C19orf38: variants seen among roughly 807,000 people sequenced by gnomAD.
C19orf38 encodes the protein chromosome 19 open reading frame 38.
In C19orf38, 14 loss-of-function variants were observed where a neutral mutation model predicts 26.6. The ratio of observed to expected loss-of-function variants is 0.53; its 90% confidence interval spans 0.35 to 0.82. The LOEUF (loss-of-function observed/expected upper bound fraction) is 0.82, where lower values mean the gene tolerates loss of function less well. Among genes scored for constraint, C19orf38 ranks in the 40% least tolerant of loss-of-function variants. The pLI is 0.01. For synonymous variants in C19orf38, 132 were observed against 128.5 expected (o/e 1.03, Z -0.18); for missense variants, 261 against 299.5 (o/e 0.87, Z 0.95).
At chr19:10,851,817 A>C (rs1344553444) in intron 2 of C19orf38, among the ~76,000 whole-genome samples, 3 of 151,470 alleles carry the variant, frequency 2.0e-5, no homozygotes. Context: ...AAATACAAAA[A>C]ATTAGCCGGG....
chr19:10,866,037 T>C (rs1952022271), intron 6 of C19orf38, among the ~76,000 whole-genome samples: 1 of 151,650 alleles, frequency 6.6e-6, no homozygotes, highest in Non-Finnish European at 1.5e-5. Context: ...TTTTAAATTT[T>C]ATTTTATTAA....
At position 10,857,366 on chromosome 19, in the gene C19orf38, A is replaced by ATTT. The variant is rs773726753; in HGVS notation, c.434-933_434-931dup. ...TATATATATATATATATATATATATATTTTTTTTTTTTTTTTTTTAAGATG... is the reference window on the plus strand; with the variant it reads ...TATATATATATATATATATATATATATTTTTTTTTTTTTTTTTTTTTTAAGATG... On this transcript the variant is annotated intron_variant, in intron 3 of 6. Coordinates refer to ENST00000397820, the MANE Select transcript of C19orf38 (RefSeq NM_001136482.3). Among the ~76,000 whole-genome samples the ATTT allele has an allele frequency of 8.6e-4, 48 of 56,074 alleles. 2 individuals carry two copies. Among genetic ancestry groups the ATTT allele is most frequent in the African/African-American group, 3.4e-3 (20 of 5,820 alleles). 36.8% of individuals were successfully genotyped at this position (56,074 alleles called of 152,430 possible).
intron 4 of C19orf38, 99 bp downstream of exon 4, chr19:10,858,442 C>G: frequency 8.5e-7 from 1 of 1,177,408 alleles, no homozygotes; most frequent in Non-Finnish European, 1.2e-6. Context: ...ACAGCGCCTC[C>G]TGGTGGGCAT....
At chr19:10,838,949 C>T (rs574279934) in intron 1 of C19orf38, among the ~76,000 whole-genome samples, 1 of 151,688 alleles carries the variant, frequency 6.6e-6, no homozygotes, top group East Asian at 1.9e-4. Context: ...GAGTCTTGCC[C>T]TGTCACCCAG....
upstream of C19orf38, among the ~76,000 whole-genome samples, chr19:10,844,118 A>C (rs1599655466): frequency 6.6e-6 from 1 of 152,012 alleles, no homozygotes; most frequent in African/African-American, 2.4e-5. Context: ...TGTCTAAAAA[A>C]AAAAAAGGCT....
In C19orf38 at chr19:10,869,634, G is replaced by A. The variant is rs2073784822; in HGVS notation, c.*267G>A. On this transcript the variant is annotated 3_prime_UTR_variant, in exon 7 of 7. Transcript: ENST00000397820. ...GAAGGAGATGTCAGGACCCCTTCTT[G>A]TCCCCCAGCTGGGCCATAAGACGTC... The A allele has an allele frequency of 4.4e-6, 2 of 458,570 alleles. No homozygotes were observed. The highest frequency in any genetic ancestry group is 7.6e-6 in the Non-Finnish European group (2 of 263,232). 28.4% of individuals were successfully genotyped at this position (458,570 alleles called of 1,614,324 possible).
chr19:10,839,494 ACTC>A (rs1324187363), intron 1 of C19orf38, among the ~76,000 whole-genome samples: 2 of 151,244 alleles, frequency 1.3e-5, no homozygotes, highest in Non-Finnish European at 2.9e-5. Flanking sequence ...TCCTGTATCA[ACTC>A]CTCATTACAC....
chr19:10,846,143 C>G (rs912138796), upstream of C19orf38, among the ~76,000 whole-genome samples: 5 of 150,912 alleles, frequency 3.3e-5, no homozygotes, highest in African/African-American at 1.2e-4. Flanking sequence ...GATCATGCTG[C>G]TTCACTGTAG....
At chr19:10,867,450 CAAAAAAAAA>C (rs536371317) in intron 6 of C19orf38, among the ~76,000 whole-genome samples, 26 of 90,820 alleles carry the variant, frequency 2.9e-4, no homozygotes, top group Non-Finnish European at 4.4e-4. Flanking sequence ...ACTAAAACTA[CAAAAAAAAA>C]AAAAAAAAAT....
intron 3 of C19orf38, among the ~76,000 whole-genome samples, chr19:10,857,894 A>AAAAG (rs111685154): frequency 0.097 from 13,808 of 142,404 alleles, 754 homozygotes; most frequent in African/African-American, 0.13. Context: ...AAACAACAAA[A>AAAAG]AAAGAAAGAA....
chr19:10,850,714 T>C (rs186183143), intron 2 of C19orf38, 147 bp downstream of exon 2: 15 of 917,692 alleles, frequency 1.6e-5, no homozygotes, highest in Middle Eastern at 3.0e-4. Context: ...TTCAATCTTC[T>C]CAGCCAGCCC....
chr19:10,858,309 G>A lies in C19orf38; in HGVS notation c.434-7G>A, dbSNP rs950374081. Reference sequence around the variant, plus strand: ...TCTAACACATGCTCATTTCTTTTTTGTTCCAGTTAAACTCAGAAATTTACA... The same window carrying A: ...TCTAACACATGCTCATTTCTTTTTTATTCCAGTTAAACTCAGAAATTTACA... On this transcript the variant is annotated splice_region_variant and splice_polypyrimidine_tract_variant and intron_variant, in intron 3 of 6. Coordinates refer to ENST00000397820, the MANE Select transcript of C19orf38 (RefSeq NM_001136482.3). The A allele has an allele frequency of 7.5e-7, 1 of 1,340,934 alleles. No individual in the cohort carries two copies. Among genetic ancestry groups the A allele is most frequent in the African/African-American group, 1.6e-5 (1 of 62,296 alleles). 83.1% of individuals were successfully genotyped at this position (1,340,934 alleles called of 1,614,324 possible). A position where few individuals can be genotyped will look rare whatever the true frequency, so the allele number is the denominator to read the frequency against.
chr19:10,849,789 C>T (rs141945677), intron 1 of C19orf38, among the ~76,000 whole-genome samples: 50 of 152,076 alleles, frequency 3.3e-4, no homozygotes, highest in Admixed American at 8.5e-4. Context: ...GATGGCCAGG[C>T]ATGGTAGCTC....
At chr19:10,863,232 C>G in intron 6 of C19orf38, 25 bp downstream of exon 6, 1 of 1,548,886 alleles carries the variant, frequency 6.5e-7, no homozygotes, top group Non-Finnish European at 8.7e-7. Flanking sequence ...TTCTTGGAAC[C>G]GGTTTTCTGC....
upstream of C19orf38, among the ~76,000 whole-genome samples, chr19:10,846,824 C>T (rs1455560997): frequency 1.3e-5 from 2 of 152,156 alleles, no homozygotes; most frequent in Non-Finnish European, 2.9e-5. Flanking sequence ...TTACAGGGCA[C>T]TGTGGGAGAA....
At chr19:10,850,665 C>A in intron 2 of C19orf38, 98 bp downstream of exon 2, 2 of 1,272,498 alleles carry the variant, frequency 1.6e-6, no homozygotes, top group Non-Finnish European at 2.2e-6. Context: ...CAGAAAAAGC[C>A]AGGCTTACAC....
At chr19:10,848,662 G>A in intron 1 of C19orf38, 123 bp downstream of exon 1, 1 of 885,968 alleles carries the variant, frequency 1.1e-6, no homozygotes, top group Non-Finnish European at 1.8e-6. Flanking sequence ...AGGAGGCTGA[G>A]CCCTTGGCAG....
At chr19:10,867,372 A>G (rs944537600) in intron 6 of C19orf38, among the ~76,000 whole-genome samples, 9 of 150,560 alleles carry the variant, frequency 6.0e-5, no homozygotes, top group Admixed American at 4.7e-4. Context: ...TGGGAGGCCA[A>G]GGCGGGCAGA....
At position 10,850,554 on chromosome 19, in the gene C19orf38, C is replaced by T. The variant is rs1351814662; in HGVS notation, c.327C>T (p.Asn109=). The change falls in exon 2 of 7, where the codon AAC becomes AAT. Residue 109 remains asparagine (N), a synonymous_variant. Coordinates refer to ENST00000397820, the MANE Select transcript of C19orf38 (RefSeq NM_001136482.3). ...SQLSDLSEPV[N]VSFPVPTWIL... ...TGTCAGACCTCAGCGAGCCCGTGAA[C>T]GTCTCCTTCCCAGGTAAGGCCCTTC... 9 of 1,551,458 alleles carry T rather than the reference C, an allele frequency of 5.8e-6. No individual in the cohort carries two copies. The highest frequency in any genetic ancestry group is 7.8e-6 in the Non-Finnish European group (9 of 1,146,992).
Sources: gnomAD v4.1 joint callset for allele counts (sites outside exome capture counted in the v4.1 genomes callset) on GRCh38, gnomAD v4.1.1 for gene constraint, MANE v1.5 for transcripts, NCBI Gene and HGNC (gene_info 2026-07-23, HGNC 2026-07-21) for gene names.